The following KIAA0319L variants were observed in gnomAD, a reference collection of about 807,000 sequenced individuals.
The protein encoded by KIAA0319L is dyslexia-associated protein KIAA0319-like protein.
A neutral mutation model predicts 120.1 loss-of-function variants in KIAA0319L; 55 were observed. That is an observed-to-expected ratio of 0.46 (90% CI 0.37 to 0.57). The LOEUF is 0.57. Among genes scored for constraint, KIAA0319L ranks in the 20% least tolerant of loss-of-function variants. KIAA0319L has a pLI of 0.00. For missense variants in KIAA0319L, 1,049 were observed against 1,255.3 expected, an observed-to-expected ratio of 0.84 and a Z score of 2.48; for synonymous variants, 398 against 471.9, an observed-to-expected ratio of 0.84 and a Z score of 2.03.
intron 2 of KIAA0319L, among the ~76,000 whole-genome samples, chr1:35,553,912 A>T (rs1161729681): frequency 6.6e-6 from 1 of 151,490 alleles, no homozygotes; most frequent in Non-Finnish European, 1.5e-5. Context: ...AGATTCCTTT[A>T]GGAAAGGAAA....
At chr1:35,470,442 G>A (rs923441094) in intron 6 of KIAA0319L, among the ~76,000 whole-genome samples, 10 of 146,640 alleles carry the variant, frequency 6.8e-5, no homozygotes, top group Non-Finnish European at 1.2e-4. Context: ...GCAGTGAGCC[G>A]TGATCACACC....
intron 2 of KIAA0319L, among the ~76,000 whole-genome samples, chr1:35,542,880 TGAG>T (rs1319232780): frequency 6.6e-6 from 1 of 152,270 alleles, no homozygotes. Context: ...AAGGAATTCC[TGAG>T]GAGAATAAAT....
chr1:35,455,971 A>C (rs749211750), intron 10 of KIAA0319L, 42 bp downstream of exon 10: 11 of 1,461,138 alleles, frequency 7.5e-6, no homozygotes, highest in Non-Finnish European at 1.0e-5. Context: ...CAGCAGCTCT[A>C]CTTCTCTTGG....
chr1:35,547,143 T>C (rs901444552), intron 2 of KIAA0319L, among the ~76,000 whole-genome samples: 7 of 146,164 alleles, frequency 4.8e-5, no homozygotes, highest in Non-Finnish European at 9.0e-5. Context: ...TTTATATATG[T>C]AATATATACA....
intron 3 of KIAA0319L, among the ~76,000 whole-genome samples, chr1:35,486,737 C>CAAAAAAAAAAAAAAAAA (rs4045085): frequency 2.3e-5 from 2 of 86,936 alleles, no homozygotes; most frequent in Admixed American, 1.2e-4. Context: ...CCCATTTCTA[C>CAAAAAAAAAAAAAAAAA]AAAAAAAAAA....
In KIAA0319L at chr1:35,547,948, C is replaced by T. The variant is rs899520146; in HGVS notation, c.142+6402G>A. On this transcript the variant is annotated intron_variant, in intron 2 of 20. Transcript: ENST00000325722. ...ACCAGACTGGCAACATGGCAAAACC[C>T]CATCTCTACTAAAAATACAAAAATT... 3.3e-5 allele frequency among the ~76,000 whole-genome samples: 5 copies of T among 152,060 alleles called. No individual in the cohort carries two copies. In the South Asian group the frequency reaches 1.0e-3, roughly 32 times the overall value.
At chr1:35,476,715 C>T (rs951960118) in intron 4 of KIAA0319L, among the ~76,000 whole-genome samples, 25 of 152,184 alleles carry the variant, frequency 1.6e-4, no homozygotes, top group Non-Finnish European at 2.9e-4. Flanking sequence ...TTACAGGCAT[C>T]TTGACTGGAT....
intron 18 of KIAA0319L, 53 bp from the exon 19 acceptor site, chr1:35,442,389 G>A: frequency 7.2e-7 from 1 of 1,382,812 alleles, no homozygotes; most frequent in South Asian, 1.2e-5. Flanking sequence ...CTGGGAGGGA[G>A]GTCTGGGCTG....
In KIAA0319L at chr1:35,437,865, C is replaced by T. The variant is rs1480628802; in HGVS notation, c.2963-2784G>A. Among the ~76,000 whole-genome samples, 1 of 152,180 alleles carries T rather than the reference C, an allele frequency of 6.6e-6. No homozygotes were observed. The highest frequency in any genetic ancestry group is 6.5e-5 in the Admixed American group (1 of 15,274). Reference sequence around the variant, plus strand: ...TTCTGCTGAGTTCCATTTAATTCATCTTCTCTTACCCAGTCACTGCATCAG... The same window carrying T: ...TTCTGCTGAGTTCCATTTAATTCATTTTCTCTTACCCAGTCACTGCATCAG... On this transcript the variant is annotated intron_variant, in intron 20 of 20. Coordinates refer to ENST00000325722, the MANE Select transcript of KIAA0319L (RefSeq NM_024874.5). The surrounding 1 kb of genome is among the most constrained non-coding windows in gnomAD (Gnocchi z 4.1).
intron 2 of KIAA0319L, among the ~76,000 whole-genome samples, chr1:35,530,524 A>G (rs1359963126): frequency 1.4e-4 from 22 of 152,126 alleles, no homozygotes; most frequent in Non-Finnish European, 5.9e-5. Flanking sequence ...CTGTGTTCCC[A>G]TGCATATCAC....
chr1:35,456,708 G>A (rs1642477653), intron 9 of KIAA0319L, among the ~76,000 whole-genome samples: 1 of 152,028 alleles, frequency 6.6e-6, no homozygotes, highest in Non-Finnish European at 1.5e-5. Flanking sequence ...CTACTTGGGA[G>A]GCTGAGGCAA....
chr1:35,544,654 C>T (rs186952552), intron 2 of KIAA0319L, among the ~76,000 whole-genome samples: 1 of 152,134 alleles, frequency 6.6e-6, no homozygotes, highest in African/African-American at 2.4e-5. Context: ...TTGCCACCTA[C>T]TACAGCAGGT....
chr1:35,477,586 G>C (rs991429851), intron 4 of KIAA0319L, among the ~76,000 whole-genome samples: 13 of 147,384 alleles, frequency 8.8e-5, no homozygotes, highest in Non-Finnish European at 1.6e-4. Context: ...AGAATGGCAT[G>C]AACCCAGGAG....
intron 2 of KIAA0319L, among the ~76,000 whole-genome samples, chr1:35,514,365 A>T (rs1467312972): frequency 4.8e-5 from 5 of 104,812 alleles, no homozygotes; most frequent in African/African-American, 3.1e-4. Flanking sequence ...GCTAGGGATT[A>T]AAAAAAAAAA....
At chr1:35,545,591 ATGCATG>A (rs1247718130) in intron 2 of KIAA0319L, among the ~76,000 whole-genome samples, 10 of 152,216 alleles carry the variant, frequency 6.6e-5, no homozygotes, top group Non-Finnish European at 5.9e-5. Flanking sequence ...GAACTGTGAC[ATGCATG>A]TGAAGGACAG....
chr1:35,513,290 T>TATCTATATAACATATATATATATATATA (rs1558545634), intron 2 of KIAA0319L, among the ~76,000 whole-genome samples: 6 of 73,216 alleles, frequency 8.2e-5, no homozygotes, highest in African/African-American at 2.9e-4. Flanking sequence ...ATATATATAT[T>TATCTATATAACATATATATATATATATA]TTTTTTTTTT....
intron 7 of KIAA0319L, among the ~76,000 whole-genome samples, chr1:35,464,495 G>A (rs1425317318): frequency 6.6e-6 from 1 of 152,218 alleles, no homozygotes; most frequent in Non-Finnish European, 1.5e-5. Context: ...GCATTCAAGA[G>A]GTGACTTGGG....
At chr1:35,488,480 A>C (rs1176855591) in intron 3 of KIAA0319L, among the ~76,000 whole-genome samples, 1 of 152,224 alleles carries the variant, frequency 6.6e-6, no homozygotes, top group Non-Finnish European at 1.5e-5. Flanking sequence ...AAATTACAGG[A>C]AGTTATGTTT....
At chr1:35,460,817 C>T (rs1378125739) in intron 8 of KIAA0319L, among the ~76,000 whole-genome samples, 1 of 152,158 alleles carries the variant, frequency 6.6e-6, no homozygotes, top group Non-Finnish European at 1.5e-5. Context: ...AATTTCATAA[C>T]ACATTATATT....
Sources: gnomAD v4.1 joint callset for allele counts (sites outside exome capture counted in the v4.1 genomes callset) on GRCh38, gnomAD v4.1.1 for gene constraint, Gnocchi (gnomAD v3.1) non-coding constraint, MANE v1.5 for transcripts, NCBI Gene and HGNC (gene_info 2026-07-23, HGNC 2026-07-21) for gene names.